GFOD1: variants seen among roughly 807,000 people sequenced by gnomAD.
The protein encoded by GFOD1 is glucose-fructose oxidoreductase domain-containing protein 1.
Under a neutral mutation model 25.4 loss-of-function variants are expected in GFOD1, and 9 were observed. The observed-to-expected ratio is 0.35, with a 90% CI of 0.21 to 0.62. GFOD1 has a LOEUF of 0.62. Among genes scored for constraint, GFOD1 ranks in the 20% least tolerant of loss-of-function variants. The pLI is 0.72. For synonymous variants in GFOD1, 253 were observed against 245.6 expected (o/e 1.03, Z -0.28); for missense variants, 403 against 556.9 (o/e 0.72, Z 2.78).
chr6:13,486,254 C>T (rs1389276784), intron 1 of GFOD1: 16 of 308,450 alleles, frequency 5.2e-5, no homozygotes, highest in Non-Finnish European at 6.8e-5. Flanking sequence ...CCATCCCCCC[C>T]CCCCACACAC....
chr6:13,398,562 A>T (rs1181117892), intron 1 of GFOD1, among the ~76,000 whole-genome samples: 1 of 152,232 alleles, frequency 6.6e-6, no homozygotes, highest in Non-Finnish European at 1.5e-5. Flanking sequence ...TTTAACCCAG[A>T]ATGTGCACCC....
chr6:13,454,067 A>G (rs939456947), intron 1 of GFOD1, among the ~76,000 whole-genome samples: 5 of 152,218 alleles, frequency 3.3e-5, no homozygotes, highest in African/African-American at 1.2e-4. Flanking sequence ...TATATAAAGG[A>G]AAAATTCAGA....
chr6:13,455,219 G>A (rs1292607819), intron 1 of GFOD1, among the ~76,000 whole-genome samples: 1 of 152,142 alleles, frequency 6.6e-6, no homozygotes, highest in Non-Finnish European at 1.5e-5. Context: ...ACCCAGAGAG[G>A]TGCGGGGTGG....
chr6:13,468,019 A>G, intron 1 of GFOD1, among the ~76,000 whole-genome samples: 1 of 152,180 alleles, frequency 6.6e-6, no homozygotes, highest in South Asian at 2.1e-4. Flanking sequence ...AGTCACCCCA[A>G]CCAAACCATT....
intron 1 of GFOD1, among the ~76,000 whole-genome samples, chr6:13,444,644 T>C (rs1757974504): frequency 6.6e-6 from 1 of 152,184 alleles, no homozygotes; most frequent in Admixed American, 6.5e-5. Context: ...ATATTTAATA[T>C]AGAACGTTTT....
chr6:13,445,887 C>A (rs1757994672), intron 1 of GFOD1, among the ~76,000 whole-genome samples: 1 of 152,180 alleles, frequency 6.6e-6, no homozygotes, highest in South Asian at 2.1e-4. Context: ...CAGGTGGACG[C>A]CACAATGTAG....
At chr6:13,428,088 T>C (rs1757675351) in intron 1 of GFOD1, among the ~76,000 whole-genome samples, 1 of 152,232 alleles carries the variant, frequency 6.6e-6, no homozygotes, top group Non-Finnish European at 1.5e-5. Context: ...CTCACAGGTC[T>C]AAGCATCCTG....
intron 1 of GFOD1, among the ~76,000 whole-genome samples, chr6:13,462,241 T>G (rs1272937543): frequency 1.3e-5 from 2 of 152,230 alleles, no homozygotes; most frequent in Non-Finnish European, 2.9e-5. Context: ...ATGCCCCTCA[T>G]TATCTCTATA....
At chr6:13,385,027 G>T (rs754167007) in intron 1 of GFOD1, among the ~76,000 whole-genome samples, 1 of 152,170 alleles carries the variant, frequency 6.6e-6, no homozygotes, top group Non-Finnish European at 1.5e-5. Context: ...AGGATTAGCT[G>T]GTGGCAGCAG....
chr6:13,412,676 G>A (rs1316827190), intron 1 of GFOD1, among the ~76,000 whole-genome samples: 4 of 152,196 alleles, frequency 2.6e-5, no homozygotes, highest in African/African-American at 7.2e-5. Context: ...GAGAACCAGC[G>A]TGGGCTGCAG....
chr6:13,404,249 CT>C (rs2127564155), intron 1 of GFOD1, among the ~76,000 whole-genome samples: 1 of 152,292 alleles, frequency 6.6e-6, no homozygotes, highest in East Asian at 1.9e-4. Flanking sequence ...CAGGCTCAGC[CT>C]TTTCTTGCAC....
At chr6:13,454,658 CAT>C (rs1448024239) in intron 1 of GFOD1, among the ~76,000 whole-genome samples, 2 of 152,240 alleles carry the variant, frequency 1.3e-5, no homozygotes, top group African/African-American at 2.4e-5. Flanking sequence ...CAGGAGCACA[CAT>C]GTTCCCACAC....
At chr6:13,370,732 T>A (rs1785136833) in intron 1 of GFOD1, among the ~76,000 whole-genome samples, 1 of 152,172 alleles carries the variant, frequency 6.6e-6, no homozygotes, top group Admixed American at 6.6e-5. Context: ...TGTGTATGTA[T>A]GTATGTGTGT....
Position 13,364,640 on chromosome 6 carries a change from C to G in GFOD1, c.*103G>C, listed in dbSNP as rs1785003064. The G allele has an allele frequency of 1.0e-6, 1 of 991,026 alleles. No individual in the cohort carries two copies. The highest frequency in any genetic ancestry group is 1.6e-5 in the African/African-American group (1 of 62,058). 61.4% of individuals were successfully genotyped at this position (991,026 alleles called of 1,614,324 possible). A position where few individuals can be genotyped will look rare whatever the true frequency, so the allele number is the denominator to read the frequency against. On this transcript the variant is annotated 3_prime_UTR_variant, in exon 2 of 2. Coordinates refer to ENST00000379287, the MANE Select transcript of GFOD1 (RefSeq NM_018988.4). This position sits in a 1 kb window ranked among gnomAD's most constrained non-coding sequence, Gnocchi z 4.1. Reference sequence around the variant, plus strand: ...ATTTATTCACACTGTCCCTCCACCTCCCTGATCCCCACATTCCCCATGGTC... The same window carrying G: ...ATTTATTCACACTGTCCCTCCACCTGCCTGATCCCCACATTCCCCATGGTC...
chr6:13,459,673 T>A (rs111340024), intron 1 of GFOD1, among the ~76,000 whole-genome samples: 3,676 of 151,842 alleles, frequency 0.024, 140 homozygotes, highest in African/African-American at 0.081. Flanking sequence ...AACAACCCCA[T>A]CAAAAAGTAG....
intron 1 of GFOD1, among the ~76,000 whole-genome samples, chr6:13,377,347 C>T (rs143023779): frequency 9.7e-4 from 148 of 152,286 alleles, no homozygotes; most frequent in Non-Finnish European, 2.0e-3. Flanking sequence ...CAGCTGGATC[C>T]CTGATTAGGG....
intron 1 of GFOD1, among the ~76,000 whole-genome samples, chr6:13,390,830 T>A (rs568422192): frequency 3.9e-5 from 4 of 103,752 alleles, no homozygotes; most frequent in South Asian, 3.5e-4. Flanking sequence ...GAAGGAAGGA[T>A]AATAACAGTA....
chr6:13,479,550 T>C (rs761588042), intron 1 of GFOD1, among the ~76,000 whole-genome samples: 1 of 152,216 alleles, frequency 6.6e-6, no homozygotes, highest in Admixed American at 6.5e-5. Flanking sequence ...TCATTCTTGG[T>C]GAAACCCTTA....
intron 1 of GFOD1, among the ~76,000 whole-genome samples, chr6:13,409,158 GAAAGA>G (rs1786012316): frequency 6.1e-5 from 2 of 32,828 alleles, no homozygotes; most frequent in Admixed American, 5.1e-4. Context: ...AGAGAGGAAA[GAAAGA>G]AAGGAAAGAG....
Sources: allele counts gnomAD v4.1 joint callset (sites outside exome capture counted in the v4.1 genomes callset), GRCh38; gene constraint gnomAD v4.1.1; non-coding constraint Gnocchi (gnomAD v3.1); transcripts MANE v1.5; gene names NCBI Gene and HGNC (gene_info 2026-07-23, HGNC 2026-07-21).